Variants in BMPR1A observed in about 807,000 individuals in gnomAD.
BMPR1A encodes the protein bone morphogenetic protein receptor type 1A, also known as bone morphogenetic protein receptor type-1A.
In BMPR1A, 7 loss-of-function variants were observed where a neutral mutation model predicts 66.0. The observed-to-expected ratio is 0.11, with a 90% CI of 0.06 to 0.20. The LOEUF (loss-of-function observed/expected upper bound fraction) is 0.20, where lower values mean the gene tolerates loss of function less well. Among genes scored for constraint, BMPR1A ranks in the 10% least tolerant of loss-of-function variants. BMPR1A has a pLI of 1.00. For synonymous variants in BMPR1A, 200 were observed against 229.7 expected, an observed-to-expected ratio of 0.87 and a Z score of 1.17; for missense variants, 408 against 669.1, an observed-to-expected ratio of 0.61 and a Z score of 4.31.
chr10:86,768,927 G>C (rs917523672), intron 1 of BMPR1A, among the ~76,000 whole-genome samples: 2 of 93,924 alleles, frequency 2.1e-5, no homozygotes, highest in Non-Finnish European at 3.8e-5. Flanking sequence ...GCTTAACACT[G>C]TGCTTGCCAC....
At chr10:86,866,974 T>G (rs1458237539) in intron 2 of BMPR1A, among the ~76,000 whole-genome samples, 4 of 152,180 alleles carry the variant, frequency 2.6e-5, no homozygotes, top group Non-Finnish European at 4.4e-5. Flanking sequence ...AATTTGTAAG[T>G]TATAAAAATG....
rs1023770035 is a variant in BMPR1A at position 86,910,611 on chromosome 10, A to AT, written c.531-1620dup. On this transcript the variant is annotated intron_variant, in intron 7 of 12. Coordinates refer to ENST00000372037, the MANE Select transcript of BMPR1A (RefSeq NM_004329.3). The stretch of plus-strand genomic sequence containing the variant: ...GCTTAGGGATAGAGCTGGGAGGAGG[A>AT]TTTTTTTTTGCCATATACCCTTTTG... Among the ~76,000 whole-genome samples the AT allele has an allele frequency of 1.1e-3, 165 of 151,320 alleles. 2 individuals carry two copies. The highest frequency in any genetic ancestry group is 3.4e-3 in the Middle Eastern group (1 of 294).
At chr10:86,765,862 CTTCT>C (rs1042447150) in intron 1 of BMPR1A, among the ~76,000 whole-genome samples, 8 of 152,040 alleles carry the variant, frequency 5.3e-5, no homozygotes, top group East Asian at 3.9e-4. Flanking sequence ...TTTCTGTTGC[CTTCT>C]TTCTTTTTTT....
chr10:86,819,593 C>T (rs1002814744), intron 1 of BMPR1A, among the ~76,000 whole-genome samples: 1 of 152,222 alleles, frequency 6.6e-6, no homozygotes, highest in Non-Finnish European at 1.5e-5. Flanking sequence ...GCCACCGTGC[C>T]CGGCCACAAC....
At chr10:86,757,352 A>G (rs1725781253) in intron 1 of BMPR1A, among the ~76,000 whole-genome samples, 1 of 151,810 alleles carries the variant, frequency 6.6e-6, no homozygotes, top group African/African-American at 2.4e-5. Context: ...TGAGAGGAGC[A>G]GCCGGCCCGC....
intron 1 of BMPR1A, among the ~76,000 whole-genome samples, chr10:86,826,036 A>G (rs1842188592): frequency 6.6e-6 from 1 of 152,220 alleles, no homozygotes; most frequent in African/African-American, 2.4e-5. Flanking sequence ...GTCTTTCACT[A>G]ACTCAGTGGC....
At chr10:86,826,722 G>A (rs1221244547) in intron 1 of BMPR1A, among the ~76,000 whole-genome samples, 1 of 151,550 alleles carries the variant, frequency 6.6e-6, no homozygotes, top group African/African-American at 2.4e-5. Context: ...TAATAGTTTA[G>A]TATTTGTTTT....
At chr10:86,830,864 A>G (rs1361288477) in intron 1 of BMPR1A, among the ~76,000 whole-genome samples, 1 of 149,156 alleles carries the variant, frequency 6.7e-6, no homozygotes, top group Non-Finnish European at 1.5e-5. Flanking sequence ...TCTTTCATGG[A>G]TTGTATTTTT....
chr10:86,867,335 C>A (rs540062417), intron 2 of BMPR1A, among the ~76,000 whole-genome samples: 3 of 152,300 alleles, frequency 2.0e-5, no homozygotes, highest in Non-Finnish European at 4.4e-5. Context: ...CACTTCTGGT[C>A]CCAAGCATTT....
chr10:86,773,642 AT>A (rs1176143459), intron 1 of BMPR1A, among the ~76,000 whole-genome samples: 1 of 151,442 alleles, frequency 6.6e-6, no homozygotes, highest in African/African-American at 2.4e-5. Flanking sequence ...GAAATAGAAA[AT>A]CTAAAACCTC....
At chr10:86,775,819 A>G (rs1841339372) in intron 1 of BMPR1A, among the ~76,000 whole-genome samples, 1 of 151,972 alleles carries the variant, frequency 6.6e-6, no homozygotes, top group Admixed American at 6.6e-5. Flanking sequence ...TTTTCTTTCC[A>G]TTTACAAAAA....
intron 1 of BMPR1A, among the ~76,000 whole-genome samples, chr10:86,827,450 C>T (rs1018755273): frequency 6.6e-6 from 1 of 152,118 alleles, no homozygotes; most frequent in Admixed American, 6.6e-5. Context: ...TGCTGCTTGA[C>T]ACCTCGGTTT....
chr10:86,762,164 A>G (rs1006842568), intron 1 of BMPR1A, among the ~76,000 whole-genome samples: 1 of 152,230 alleles, frequency 6.6e-6, no homozygotes, highest in African/African-American at 2.4e-5. Context: ...GGCTGGACCT[A>G]AGTGCTCAAA....
At chr10:86,903,021 T>C (rs1288850160) in intron 7 of BMPR1A, among the ~76,000 whole-genome samples, 1 of 152,162 alleles carries the variant, frequency 6.6e-6, no homozygotes, top group African/African-American at 2.4e-5. Context: ...ATGGCTCTGG[T>C]CTCACCCTAA....
intron 7 of BMPR1A, among the ~76,000 whole-genome samples, chr10:86,907,320 T>C (rs571268298): frequency 6.6e-6 from 1 of 152,298 alleles, no homozygotes; most frequent in East Asian, 1.9e-4. Flanking sequence ...ATGGCCATTA[T>C]CAAAAAGAAA....
At chr10:86,890,318 T>C in intron 4 of BMPR1A, 94 bp downstream of exon 4, 1 of 1,496,314 alleles carries the variant, frequency 6.7e-7, no homozygotes, top group South Asian at 1.2e-5. Flanking sequence ...GCGGTTTTTT[T>C]TTCATTCATA....
At chr10:86,885,037 C>T (rs775110577) in intron 3 of BMPR1A, among the ~76,000 whole-genome samples, 1 of 152,170 alleles carries the variant, frequency 6.6e-6, no homozygotes, top group Non-Finnish European at 1.5e-5. Context: ...CTGGCCCTGC[C>T]GCAAAATCTT....
At chr10:86,798,837 A>G (rs1009492867) in intron 1 of BMPR1A, among the ~76,000 whole-genome samples, 1 of 152,258 alleles carries the variant, frequency 6.6e-6, no homozygotes, top group Non-Finnish European at 1.5e-5. Context: ...CTGAAACTGT[A>G]AGCTCATGTG....
intron 10 of BMPR1A, among the ~76,000 whole-genome samples, chr10:86,920,614 G>A (rs1019470676): frequency 7.2e-5 from 11 of 152,076 alleles, no homozygotes; most frequent in Non-Finnish European, 1.2e-4. Flanking sequence ...AAAATACAAC[G>A]CATTATATTG....
Sources: allele counts gnomAD v4.1 joint callset (sites outside exome capture counted in the v4.1 genomes callset), GRCh38; gene constraint gnomAD v4.1.1; transcripts MANE v1.5; gene names NCBI Gene and HGNC (gene_info 2026-07-23, HGNC 2026-07-21).